The following SRGAP3 variants were observed in gnomAD, a reference collection of about 807,000 sequenced individuals.
The protein encoded by SRGAP3 is SLIT-ROBO Rho GTPase-activating protein 3.
Under a neutral mutation model 121.1 loss-of-function variants are expected in SRGAP3, and 39 were observed. That is an observed-to-expected ratio of 0.32 (90% confidence interval 0.25 to 0.42). The LOEUF is 0.42. SRGAP3 is among the 10% of genes least tolerant of loss of function. The pLI, the probability that SRGAP3 is intolerant of heterozygous loss-of-function variation, is 1.00. For missense variants in SRGAP3, 1,213 were observed against 1,470.6 expected, an observed-to-expected ratio of 0.82 and a Z score of 2.86; for synonymous variants, 601 against 570.0, an observed-to-expected ratio of 1.05 and a Z score of -0.77.
At chr3:9,151,179 A>G (rs1054861164) in intron 1 of SRGAP3, among the ~76,000 whole-genome samples, 9 of 152,314 alleles carry the variant, frequency 5.9e-5, no homozygotes, top group South Asian at 4.1e-4. Flanking sequence ...GAAGAAGGCA[A>G]GATGGGCCAT....
intron 4 of SRGAP3, among the ~76,000 whole-genome samples, chr3:9,069,100 C>G (rs761476740): frequency 2.0e-5 from 3 of 152,168 alleles, no homozygotes; most frequent in Non-Finnish European, 4.4e-5. Flanking sequence ...TGGCTGACCC[C>G]AGAGCCTGGG....
intron 1 of SRGAP3, among the ~76,000 whole-genome samples, chr3:9,152,386 T>C (rs1366411481): frequency 6.6e-6 from 1 of 152,186 alleles, no homozygotes; most frequent in Non-Finnish European, 1.5e-5. Context: ...CCAGCCAATA[T>C]TTCTCTCTCT....
chr3:8,993,168 T>G, intron 19 of SRGAP3, 113 bp from the exon 20 acceptor site: 1 of 1,541,046 alleles, frequency 6.5e-7, no homozygotes, highest in Non-Finnish European at 8.8e-7. Context: ...ATGGTTACTT[T>G]GTGCCCACAG....
intron 1 of SRGAP3, among the ~76,000 whole-genome samples, chr3:9,141,981 A>AT: frequency 6.6e-6 from 1 of 152,368 alleles, no homozygotes; most frequent in African/African-American, 2.4e-5. Context: ...TTAATAATGG[A>AT]TTGCAAGCCT....
chr3:9,039,664 G>C (rs1353550917), intron 10 of SRGAP3, among the ~76,000 whole-genome samples: 1 of 149,468 alleles, frequency 6.7e-6, no homozygotes, highest in African/African-American at 2.4e-5. Context: ...CCGGCCCCTG[G>C]CAACCCTAAT....
intron 17 of SRGAP3, among the ~76,000 whole-genome samples, chr3:9,011,307 A>C (rs1943361983): frequency 6.6e-6 from 1 of 152,242 alleles, no homozygotes; most frequent in African/African-American, 2.4e-5. Context: ...AAGGCTTCTC[A>C]AAGGAGTTGA....
intron 3 of SRGAP3, among the ~76,000 whole-genome samples, chr3:9,311,318 A>G (rs1008582804): frequency 1.3e-5 from 2 of 152,242 alleles, no homozygotes; most frequent in Admixed American, 6.5e-5. Flanking sequence ...ATACATTTCA[A>G]TACACGTAAA....
chr3:9,069,914 T>C (rs4312647), intron 4 of SRGAP3, among the ~76,000 whole-genome samples: 127,838 of 151,968 alleles, frequency 0.84, 54,304 homozygotes, highest in African/African-American at 0.96. Flanking sequence ...GCCACTGCAC[T>C]CCAGCCTGGG....
At position 8,985,179 on chromosome 3, in the gene SRGAP3, C is replaced by G. The variant is rs1373953187; in HGVS notation, c.*340G>C. 2.3e-6 allele frequency: 1 copy of G among 428,038 alleles called. No individual in the cohort carries two copies. Among genetic ancestry groups the G allele is most frequent in the Non-Finnish European group, 4.3e-6 (1 of 232,764 alleles). 26.5% of individuals were successfully genotyped at this position (428,038 alleles called of 1,614,324 possible). On this transcript the variant is annotated 3_prime_UTR_variant, in exon 22 of 22. Transcript: ENST00000383836. This position sits in a 1 kb window ranked among gnomAD's most constrained non-coding sequence, Gnocchi z 5.1. ...ACACATCGATATACACACACATATA[C>G]GTATGTAGAGAGAATGTCGAGAGAG...
At chr3:9,145,362 C>T (rs1316406166) in intron 1 of SRGAP3, among the ~76,000 whole-genome samples, 1 of 152,204 alleles carries the variant, frequency 6.6e-6, no homozygotes, top group Non-Finnish European at 1.5e-5. Flanking sequence ...TCCCAAAGTG[C>T]TGGGATTATA....
upstream of SRGAP3, among the ~76,000 whole-genome samples, chr3:9,252,789 A>G (rs1036442443): frequency 6.6e-6 from 1 of 152,056 alleles, no homozygotes; most frequent in Non-Finnish European, 1.5e-5. Context: ...CTGAGAACCA[A>G]CTGCTATTCC....
At chr3:8,996,147 T>C (rs2124956376) in intron 18 of SRGAP3, among the ~76,000 whole-genome samples, 1 of 152,376 alleles carries the variant, frequency 6.6e-6, no homozygotes, top group Non-Finnish European at 1.5e-5. Flanking sequence ...GAACCTATCT[T>C]ACAGGGTTAT....
chr3:9,068,754 T>C (rs1276103617), intron 4 of SRGAP3, among the ~76,000 whole-genome samples: 2 of 152,190 alleles, frequency 1.3e-5, no homozygotes, highest in African/African-American at 4.8e-5. Context: ...CATTAAATAA[T>C]ATTTAACCTT....
At chr3:9,028,225 C>T (rs764811561) in intron 12 of SRGAP3, 239 of 1,543,280 alleles carry the variant, frequency 1.5e-4, no homozygotes, top group Non-Finnish European at 1.9e-4. Context: ...CTTCAGAGTC[C>T]GTGAACGCCG....
At chr3:9,353,440 G>T (rs1274856928) in intron 1 of SRGAP3, among the ~76,000 whole-genome samples, 6 of 152,230 alleles carry the variant, frequency 3.9e-5, no homozygotes, top group African/African-American at 1.2e-4. Flanking sequence ...CCAAACGAAT[G>T]AGCTGCTTTT....
intron 1 of SRGAP3, among the ~76,000 whole-genome samples, chr3:9,197,527 C>A (rs1034741442): frequency 5.3e-5 from 8 of 152,170 alleles, no homozygotes; most frequent in African/African-American, 1.9e-4. Context: ...TCACAGTTTG[C>A]AAAATGTTTC....
intron 3 of SRGAP3, among the ~76,000 whole-genome samples, chr3:9,260,717 C>T (rs1954236948): frequency 6.6e-6 from 1 of 152,300 alleles, no homozygotes; most frequent in Admixed American, 6.5e-5. Flanking sequence ...CAACTGTGGG[C>T]GCAGCTTCAA....
At chr3:9,077,943 C>T (rs532931800) in intron 4 of SRGAP3, among the ~76,000 whole-genome samples, 55 of 152,294 alleles carry the variant, frequency 3.6e-4, no homozygotes, top group African/African-American at 1.3e-3. Context: ...GCCTTTCATG[C>T]AGTGTTTCTC....
intron 3 of SRGAP3, among the ~76,000 whole-genome samples, chr3:9,098,183 C>T (rs1317298169): frequency 6.6e-6 from 1 of 152,174 alleles, no homozygotes; most frequent in Non-Finnish European, 1.5e-5. Flanking sequence ...AATGAGTTAC[C>T]GCTTCACACC....
Sources: gnomAD v4.1 joint callset for allele counts (sites outside exome capture counted in the v4.1 genomes callset) on GRCh38, gnomAD v4.1.1 for gene constraint, Gnocchi (gnomAD v3.1) non-coding constraint, MANE v1.5 for transcripts, NCBI Gene and HGNC (gene_info 2026-07-23, HGNC 2026-07-21) for gene names.